Variants in JMJD1C observed in about 807,000 individuals in gnomAD.
JMJD1C encodes jumonji domain containing 1C, also known as jumonji domain-containing protein 1C.
A neutral mutation model predicts 245.3 loss-of-function variants in JMJD1C; 31 were observed. The observed-to-expected ratio is 0.13, with a 90% CI of 0.09 to 0.17. JMJD1C has a LOEUF of 0.17. JMJD1C is among the 10% of genes least tolerant of loss of function. The pLI, the probability that JMJD1C is intolerant of heterozygous loss-of-function variation, is 1.00. For synonymous variants in JMJD1C, 1,057 were observed against 1,017.4 expected (o/e 1.04, Z -0.74); for missense variants, 2,691 against 3,000.2 (o/e 0.90, Z 2.41).
intron 9 of JMJD1C, 61 bp from the exon 10 acceptor site, chr10:63,208,862 C>CTT: frequency 7.6e-7 from 1 of 1,320,580 alleles, no homozygotes; most frequent in Non-Finnish European, 1.0e-6. Context: ...ACAAAGACAG[C>CTT]TTCTATGCAA....
chr10:63,521,566 C>T, intron 1 of JMJD1C: 1 of 1,434,102 alleles, frequency 7.0e-7, no homozygotes, highest in Non-Finnish European at 9.2e-7. Flanking sequence ...GGATGATCTC[C>T]AGAGCCGTGG....
rs67008681 is a variant in JMJD1C, at chr10:63,375,183, C to CTT, written c.333+5133_333+5134dup. Among the ~76,000 whole-genome samples the CTT allele has an allele frequency of 2.3e-3, 213 of 92,952 alleles. 9 individuals are homozygous for CTT. The highest frequency in any genetic ancestry group is 9.2e-3 in the Admixed American group (67 of 7,304). 61.0% of individuals were successfully genotyped at this position (92,952 alleles called of 152,430 possible). A position where few individuals can be genotyped will look rare whatever the true frequency, so the allele number is the denominator to read the frequency against. Reference sequence around the variant, plus strand: ...TATGAAATCAACACATAAAAATTGGCTTTTTTTTTTTTTTTTTTTTTGAGG... The same window carrying CTT: ...TATGAAATCAACACATAAAAATTGGCTTTTTTTTTTTTTTTTTTTTTTTGAGG... On this transcript the variant is annotated intron_variant, in intron 2 of 25. Coordinates refer to ENST00000399262, the MANE Select transcript of JMJD1C (RefSeq NM_032776.3).
At chr10:63,293,220 G>A (rs941369720) in intron 2 of JMJD1C, among the ~76,000 whole-genome samples, 1 of 152,022 alleles carries the variant, frequency 6.6e-6, no homozygotes, top group Non-Finnish European at 1.5e-5. Context: ...TTGGTTTGGT[G>A]GTCTCAATGC....
intron 1 of JMJD1C, among the ~76,000 whole-genome samples, chr10:63,385,416 C>CTTTTTTTTT (rs35450282): frequency 5.6e-5 from 3 of 53,760 alleles, no homozygotes; most frequent in Non-Finnish European, 9.3e-5. Context: ...CTGCCCCCGC[C>CTTTTTTTTT]TTTTTTTTTT....
chr10:63,518,782 G>C (rs1024947774), intron 1 of JMJD1C, among the ~76,000 whole-genome samples: 14 of 152,246 alleles, frequency 9.2e-5, no homozygotes, highest in African/African-American at 3.1e-4. Flanking sequence ...ACAAATGCAA[G>C]TTGTTAGCTC....
intron 2 of JMJD1C, among the ~76,000 whole-genome samples, chr10:63,307,554 C>T (rs905872559): frequency 3.9e-5 from 6 of 152,068 alleles, no homozygotes; most frequent in African/African-American, 1.4e-4. Context: ...GAATTCCAGC[C>T]TGACAGAGAA....
rs1439862217 is a variant in JMJD1C, at chr10:63,234,449, G to C, written c.448-14466C>G. Among the ~76,000 whole-genome samples the C allele has an allele frequency of 1.2e-4, 14 of 120,918 alleles. No individual in the cohort carries two copies. The Admixed American group carries it at 1.3e-3, about 12-fold the overall frequency. 79.3% of individuals were successfully genotyped at this position (120,918 alleles called of 152,430 possible). On this transcript the variant is annotated intron_variant, in intron 3 of 25. Coordinates refer to ENST00000399262, the MANE Select transcript of JMJD1C (RefSeq NM_032776.3). ...GTAGAGGCTGCAGTGAGCCACGATC[G>C]CACCACTGCACTCCAGCCTCATCAA...
At chr10:63,478,095 A>G (rs532628166) in intron 1 of JMJD1C, among the ~76,000 whole-genome samples, 1 of 152,274 alleles carries the variant, frequency 6.6e-6, no homozygotes, top group South Asian at 2.1e-4. Flanking sequence ...AGTGATTGCC[A>G]CTTTGCAAAA....
intron 2 of JMJD1C, among the ~76,000 whole-genome samples, chr10:63,309,789 C>G (rs191568896): frequency 6.6e-6 from 1 of 151,936 alleles, no homozygotes; most frequent in Non-Finnish European, 1.5e-5. Context: ...TGGTGGCGCA[C>G]GCCTGTAATC....
chr10:63,227,071 A>T (rs1433483408), intron 3 of JMJD1C, among the ~76,000 whole-genome samples: 2 of 152,144 alleles, frequency 1.3e-5, no homozygotes, highest in African/African-American at 4.8e-5. Flanking sequence ...CTCAAAGAAA[A>T]GGTTAAAATC....
chr10:63,240,550 C>T (rs940537033), intron 3 of JMJD1C, among the ~76,000 whole-genome samples: 9 of 152,130 alleles, frequency 5.9e-5, no homozygotes, highest in Admixed American at 3.9e-4. Context: ...GCTGCAATAA[C>T]TGAAGATATT....
chr10:63,328,861 G>A (rs1941823002), intron 2 of JMJD1C, among the ~76,000 whole-genome samples: 2 of 152,178 alleles, frequency 1.3e-5, no homozygotes, highest in Admixed American at 1.3e-4. Flanking sequence ...ACTTTTATTA[G>A]TAAGTAAATG....
chr10:63,264,571 G>A, intron 3 of JMJD1C, 80 bp downstream of exon 3: 1 of 654,186 alleles, frequency 1.5e-6, no homozygotes. Flanking sequence ...GATATTTAAA[G>A]AATATTGTTT....
At chr10:63,519,459 G>A (rs974183056) in intron 1 of JMJD1C, among the ~76,000 whole-genome samples, 1 of 152,068 alleles carries the variant, frequency 6.6e-6, no homozygotes, top group East Asian at 1.9e-4. Context: ...ATTTTTATTG[G>A]ACGTTTACCC....
intron 3 of JMJD1C, among the ~76,000 whole-genome samples, chr10:63,238,037 C>T (rs1381572852): frequency 1.6e-5 from 2 of 126,292 alleles, no homozygotes; most frequent in East Asian, 2.3e-4. Context: ...AAAAAAAAGC[C>T]GGGTATGGAG....
chr10:63,483,385 T>C (rs963570150), intron 1 of JMJD1C, among the ~76,000 whole-genome samples: 8 of 152,170 alleles, frequency 5.3e-5, no homozygotes, highest in African/African-American at 9.7e-5. Flanking sequence ...TAGTAACATT[T>C]TAGGAAACAT....
In JMJD1C at chr10:63,179,324, G is replaced by A. The variant is rs180693742; in HGVS notation, c.7085-1468C>T. 2.5e-3 allele frequency among the ~76,000 whole-genome samples: 384 copies of A among 151,780 alleles called. 3 individuals carry two copies. In the South Asian group the frequency reaches 0.029, roughly 11 times the overall value. ...CTAGGGAGGCTGAGGAAGGAGAATCGCTTGAACCCAGGAGGTGGAGGTTAC... is the reference window on the plus strand; with the variant it reads ...CTAGGGAGGCTGAGGAAGGAGAATCACTTGAACCCAGGAGGTGGAGGTTAC... On this transcript the variant is annotated intron_variant, in intron 22 of 25. Coordinates refer to ENST00000399262, the MANE Select transcript of JMJD1C (RefSeq NM_032776.3).
At chr10:63,266,610 G>C (rs771026151) in intron 2 of JMJD1C, among the ~76,000 whole-genome samples, 11 of 151,974 alleles carry the variant, frequency 7.2e-5, no homozygotes, top group Non-Finnish European at 1.0e-4. Context: ...GAAAACACTG[G>C]CATCTTCTCA....
intron 8 of JMJD1C, among the ~76,000 whole-genome samples, chr10:63,210,068 G>A (rs1362076477): frequency 6.6e-6 from 1 of 152,116 alleles, no homozygotes; most frequent in Non-Finnish European, 1.5e-5. Flanking sequence ...AAAGCAGTAT[G>A]TCACACCAAA....
Sources: allele counts gnomAD v4.1 joint callset (sites outside exome capture counted in the v4.1 genomes callset), GRCh38; gene constraint gnomAD v4.1.1; transcripts MANE v1.5; gene names NCBI Gene and HGNC (gene_info 2026-07-23, HGNC 2026-07-21).